The following SLC15A2 variants were observed in gnomAD, a reference collection of about 807,000 sequenced individuals.
The protein encoded by SLC15A2 is solute carrier family 15 member 2.
SLC15A2 carries 77 observed loss-of-function variants against 95.5 expected under a neutral mutation model. The observed-to-expected ratio is 0.81, with a 90% CI of 0.67 to 0.97. The LOEUF is 0.97. SLC15A2 is among the 50% of genes least tolerant of loss of function. SLC15A2 has a pLI of 0.00. For synonymous variants in SLC15A2, 306 were observed against 306.9 expected (o/e 1.00, Z 0.03); for missense variants, 893 against 874.4 (o/e 1.02, Z -0.27).
chr3:121,931,545 C>A, intron 18 of SLC15A2, 94 bp from the exon 19 acceptor site: 1 of 706,272 alleles, frequency 1.4e-6, no homozygotes, highest in Non-Finnish European at 2.5e-6. Context: ...GCTTTCCTCA[C>A]CATCAGTAGA....
chr3:121,898,783 A>G (rs1156470780), intron 3 of SLC15A2, among the ~76,000 whole-genome samples: 2 of 152,128 alleles, frequency 1.3e-5, no homozygotes, highest in Non-Finnish European at 2.9e-5. Context: ...TTTTCTGGAT[A>G]TTTTGTGGAC....
At chr3:121,911,708 C>A (rs777365545) in intron 4 of SLC15A2, 42 bp downstream of exon 4, 1 of 1,227,346 alleles carries the variant, frequency 8.1e-7, no homozygotes, top group African/African-American at 1.5e-5. Context: ...TTTTCTCAGA[C>A]ATTTGTTACA....
intron 19 of SLC15A2, among the ~76,000 whole-genome samples, chr3:121,936,605 T>TCC (rs1710352706): frequency 1.3e-5 from 2 of 149,500 alleles, no homozygotes; most frequent in South Asian, 2.1e-4. Context: ...TTTTTTTTTT[T>TCC]CCATTTGCTT....
intron 3 of SLC15A2, among the ~76,000 whole-genome samples, chr3:121,906,561 C>T (rs1709649444): frequency 6.6e-6 from 1 of 152,166 alleles, no homozygotes; most frequent in Non-Finnish European, 1.5e-5. Context: ...CTGGTGGTGA[C>T]AAAATCTCTT....
At chr3:121,921,568 T>G (rs990780351) in intron 7 of SLC15A2, among the ~76,000 whole-genome samples, 2 of 152,132 alleles carry the variant, frequency 1.3e-5, no homozygotes, top group African/African-American at 4.8e-5. Context: ...TGATAAACCT[T>G]CAAATAGATG....
At position 121,942,656 on chromosome 3, in the gene SLC15A2, AT is replaced by A. The variant is rs1710483825; in HGVS notation, c.*1654del. On this transcript the variant is annotated 3_prime_UTR_variant, in exon 22 of 22. Transcript: ENST00000489711. Reference sequence around the variant, plus strand: ...TACTCCTTTAGAAGACAGCCTGTTCATTTTTAAATAGCTTTAACCCAAACTG... The same window carrying A: ...TACTCCTTTAGAAGACAGCCTGTTCATTTTAAATAGCTTTAACCCAAACTG... 1 of 152,194 alleles carries A rather than the reference AT, an allele frequency of 6.6e-6. No homozygotes were observed. Among genetic ancestry groups the A allele is most frequent in the South Asian group, 2.1e-4 (1 of 4,828 alleles). 9.4% of individuals were successfully genotyped at this position (152,194 alleles called of 1,614,324 possible).
In SLC15A2 at chr3:121,941,197, G is replaced by A. The variant is rs1253417062; in HGVS notation, c.*190G>A. The A allele has an allele frequency of 4.0e-5, 21 of 526,542 alleles. No individual in the cohort carries two copies. The highest frequency in any genetic ancestry group is 5.0e-4 in the Middle Eastern group (1 of 2,018). 32.6% of individuals were successfully genotyped at this position (526,542 alleles called of 1,614,324 possible). On this transcript the variant is annotated 3_prime_UTR_variant, in exon 22 of 22. Coordinates refer to ENST00000489711, the MANE Select transcript of SLC15A2 (RefSeq NM_021082.4). The stretch of plus-strand genomic sequence containing the variant: ...ACAAGGCCCCAGAGACTCTATGTCT[G>A]CCCGTCCATCAGTGAACTCATTAAA...
chr3:121,914,274 G>A (rs1448428891), intron 5 of SLC15A2, among the ~76,000 whole-genome samples: 1 of 152,212 alleles, frequency 6.6e-6, no homozygotes, highest in Non-Finnish European at 1.5e-5. Flanking sequence ...GGAAGGACTC[G>A]TTGTTCTAAT....
chr3:121,939,289 A>C, intron 19 of SLC15A2, 60 bp from the exon 20 acceptor site: 1 of 1,277,662 alleles, frequency 7.8e-7, no homozygotes, highest in Non-Finnish European at 1.0e-6. Context: ...AGAATGCTGT[A>C]GTTAGAAATA....
rs1576689722 is a variant in SLC15A2, at chr3:121,931,715, T to C, written c.1741T>C (p.Tyr581His). 1.2e-6 allele frequency: 2 copies of C among 1,610,856 alleles called. No individual in the cohort carries two copies. The highest frequency in any genetic ancestry group is 2.2e-5 in the East Asian group (1 of 44,852). The change falls in exon 19 of 22, where the codon TAT (tyrosine) becomes CAT (histidine). Residue 581 changes from tyrosine (Y) to histidine (H), a missense_variant. Tyr to His is a moderately conservative substitution (Grantham distance 83, BLOSUM62 2). Coordinates refer to ENST00000489711, the MANE Select transcript of SLC15A2 (RefSeq NM_021082.4). ...NLGLLDFGAA[Y>H]LFVITNNTNQ... ...GGGTCTTCTAGACTTTGGTGCAGCA[T>C]ATCTGTTTGTTATTACTAATGTAAG...
At chr3:121,919,976 G>GATCT in intron 7 of SLC15A2, among the ~76,000 whole-genome samples, 1 of 152,296 alleles carries the variant, frequency 6.6e-6, no homozygotes, top group Non-Finnish European at 1.5e-5. Context: ...AGAATTAATA[G>GATCT]ATCTGGTGGC....
intron 3 of SLC15A2, among the ~76,000 whole-genome samples, chr3:121,900,866 T>C (rs1157433089): frequency 1.3e-5 from 2 of 151,848 alleles, no homozygotes; most frequent in African/African-American, 4.8e-5. Context: ...TATCTTATTA[T>C]AGTTATTTAA....
intron 3 of SLC15A2, among the ~76,000 whole-genome samples, chr3:121,905,840 G>C (rs569643857): frequency 3.8e-4 from 58 of 152,316 alleles, no homozygotes; most frequent in Non-Finnish European, 7.5e-4. Flanking sequence ...TTGGGGTGGA[G>C]AGTTCTGTAG....
intron 19 of SLC15A2, among the ~76,000 whole-genome samples, chr3:121,932,293 C>T (rs950636172): frequency 2.0e-5 from 3 of 152,166 alleles, no homozygotes; most frequent in Non-Finnish European, 4.4e-5. Flanking sequence ...GAAGGAGAAA[C>T]ATAATTTATC....
At chr3:121,919,314 C>T (rs561270586) in intron 7 of SLC15A2, among the ~76,000 whole-genome samples, 13 of 152,242 alleles carry the variant, frequency 8.5e-5, no homozygotes, top group African/African-American at 3.1e-4. Context: ...CAGCAAGTTC[C>T]GGGTTCTTGT....
At chr3:121,911,996 T>C (rs1709777593) in intron 4 of SLC15A2, among the ~76,000 whole-genome samples, 1 of 152,226 alleles carries the variant, frequency 6.6e-6, no homozygotes, top group African/African-American at 2.4e-5. Context: ...TGTTTCCTTA[T>C]AATTAATTGT....
chr3:121,926,588 A>G (rs1300848871), intron 13 of SLC15A2, among the ~76,000 whole-genome samples: 1 of 152,216 alleles, frequency 6.6e-6, no homozygotes, highest in East Asian at 1.9e-4. Context: ...TCATGCAGAA[A>G]CCGGCTGCAG....
intron 19 of SLC15A2, among the ~76,000 whole-genome samples, chr3:121,931,941 G>A (rs186890141): frequency 4.6e-5 from 7 of 152,014 alleles, no homozygotes; most frequent in African/African-American, 1.2e-4. Flanking sequence ...CTCTCATCGC[G>A]CAGGCTGGAG....
intron 8 of SLC15A2, 144 bp downstream of exon 8, chr3:121,922,446 C>G: frequency 1.6e-6 from 1 of 644,458 alleles, no homozygotes; most frequent in South Asian, 2.3e-5. Flanking sequence ...TAAGATTAAC[C>G]AGTCTTCTTC....
Sources: allele counts gnomAD v4.1 joint callset (sites outside exome capture counted in the v4.1 genomes callset), GRCh38; gene constraint gnomAD v4.1.1; transcripts MANE v1.5; gene names NCBI Gene and HGNC (gene_info 2026-07-23, HGNC 2026-07-21).